Variants in PLS3 observed in about 807,000 individuals in gnomAD.
The protein encoded by PLS3 is plastin 3.
PLS3 carries 11 observed loss-of-function variants against 46.5 expected under a neutral mutation model. The ratio of observed to expected loss-of-function variants is 0.24; its 90% confidence interval spans 0.15 to 0.39. The LOEUF is 0.39. Ranked by LOEUF, PLS3 falls within the 10% of genes least tolerant of loss-of-function variation. The probability of loss-of-function intolerance (pLI) is 1.00; values close to 1 mark genes in which losing one functional copy is unlikely to be tolerated. For synonymous variants in PLS3, 167 were observed against 162.2 expected (o/e 1.03, Z -0.22); for missense variants, 308 against 461.8 (o/e 0.67, Z 3.05).
Position 115,636,825 on chromosome X carries a change from T to C in PLS3, c.749-11T>C, listed in dbSNP as rs782286629. 9 of 1,179,701 alleles carry C rather than the reference T, an allele frequency of 7.6e-6. No individual in the cohort carries two copies. Among genetic ancestry groups the C allele is most frequent in the Middle Eastern group, 2.4e-4 (1 of 4,197 alleles). ...TATAATAACTGTGGGATTTTTTTTT[T>C]TTTCTTCTAGCCTTGGCTGCTTTAC... On this transcript the variant is annotated splice_polypyrimidine_tract_variant and intron_variant, in intron 7 of 15. Transcript: ENST00000355899.
chrX:115,639,634 G>A (rs2074874233), intron 8 of PLS3: 2 of 302,161 alleles, frequency 6.6e-6, no homozygotes, highest in Non-Finnish European at 1.3e-5. Context: ...CTCAAATTCC[G>A]GTCCTCTAGC....
chrX:115,604,486 A>C (rs1359413024), intron 1 of PLS3, among the ~76,000 whole-genome samples: 1 of 112,093 alleles, frequency 8.9e-6, no homozygotes, highest in Non-Finnish European at 1.9e-5. Context: ...ACTTAGGCTG[A>C]GACAGATTAA....
At chrX:115,593,567 G>A (rs1486465609) in intron 1 of PLS3, 5 of 110,677 alleles carry the variant, frequency 4.5e-5, no homozygotes, top group African/African-American at 1.3e-4. Flanking sequence ...TGCTCTTCTG[G>A]GCGTGGGAGA....
intron 3 of PLS3, among the ~76,000 whole-genome samples, chrX:115,628,882 C>T (rs1316311513): frequency 9.0e-6 from 1 of 111,721 alleles, no homozygotes; most frequent in Non-Finnish European, 1.9e-5. Flanking sequence ...AAGAATAAAG[C>T]CTTCCTTGTT....
intron 1 of PLS3, among the ~76,000 whole-genome samples, chrX:115,605,325 T>C (rs922550425): frequency 8.9e-6 from 1 of 112,523 alleles, no homozygotes; most frequent in Non-Finnish European, 1.9e-5. Context: ...TTAGGCTTTT[T>C]AAAAGGCAAT....
intron 1 of PLS3, among the ~76,000 whole-genome samples, chrX:115,567,012 T>C (rs2074179562): frequency 8.9e-6 from 1 of 112,346 alleles, no homozygotes; most frequent in Non-Finnish European, 1.9e-5. Flanking sequence ...ACCTCAAATA[T>C]TGTGCAAGGT....
chrX:115,610,396 T>C, intron 2 of PLS3, 73 bp downstream of exon 2: 1 of 514,163 alleles, frequency 1.9e-6, no homozygotes, highest in Admixed American at 3.3e-5. Flanking sequence ...TCTATAAATA[T>C]CACATGAATG....
chrX:115,570,111 A>G (rs2074203580), intron 1 of PLS3, among the ~76,000 whole-genome samples: 1 of 109,942 alleles, frequency 9.1e-6, no homozygotes, highest in Admixed American at 9.7e-5. Context: ...TAATTTTTGT[A>G]TTTTTAGTAG....
intron 5 of PLS3, among the ~76,000 whole-genome samples, chrX:115,630,502 C>A (rs2074753240): frequency 9.2e-6 from 1 of 108,596 alleles, no homozygotes. Context: ...TCAGTCCTGC[C>A]ACTCTGAAGC....
chrX:115,583,135 G>T (rs1229275816), intron 1 of PLS3, among the ~76,000 whole-genome samples: 2 of 112,491 alleles, frequency 1.8e-5, no homozygotes, highest in Non-Finnish European at 3.8e-5. Context: ...GAAACAGAAA[G>T]CATAGTGGAA....
chrX:115,606,864 C>G (rs2074498545), intron 1 of PLS3, among the ~76,000 whole-genome samples: 1 of 111,202 alleles, frequency 9.0e-6, no homozygotes, highest in Admixed American at 9.6e-5. Flanking sequence ...GGCGAGGTCT[C>G]ACTATGTTTC....
intron 5 of PLS3, among the ~76,000 whole-genome samples, chrX:115,633,568 C>G (rs7057786): frequency 0.021 from 2,316 of 110,704 alleles, 64 homozygotes; most frequent in African/African-American, 0.072. Flanking sequence ...GTAGCTCACT[C>G]TAACTTTGAA....
At chrX:115,595,687 C>CT (rs35860715) in intron 1 of PLS3, among the ~76,000 whole-genome samples, 1,076 of 82,871 alleles carry the variant, frequency 0.013, 24 homozygotes, top group African/African-American at 0.024. Context: ...TATTTTCTTT[C>CT]TTTTTTTTTT....
chrX:115,641,226 T>G (rs1451390254), intron 9 of PLS3, among the ~76,000 whole-genome samples: 2 of 57,289 alleles, frequency 3.5e-5, no homozygotes, highest in Non-Finnish European at 5.6e-5. Context: ...CTTCTCTTTC[T>G]TTTTTTTTTT....
chrX:115,631,082 G>GT (rs1202007567), intron 5 of PLS3, among the ~76,000 whole-genome samples: 1 of 101,936 alleles, frequency 9.8e-6, no homozygotes, highest in Non-Finnish European at 2.0e-5. Context: ...GTGAGATGGA[G>GT]TTTCGCTCTT....
Position 115,636,598 on chromosome X carries a change from C to T in PLS3, c.749-238C>T, listed in dbSNP as rs182390826. ...TTGCATTAAGCTTAAAGGCCATAACCTCATTTGGTATTTGAAATGTGAAGA... is the reference window on the plus strand; with the variant it reads ...TTGCATTAAGCTTAAAGGCCATAACTTCATTTGGTATTTGAAATGTGAAGA... On this transcript the variant is annotated intron_variant, in intron 7 of 15. Coordinates refer to ENST00000355899, the MANE Select transcript of PLS3 (RefSeq NM_005032.7). Among the ~76,000 whole-genome samples, 3 of 111,606 alleles carry T rather than the reference C, an allele frequency of 2.7e-5. No homozygotes were observed. In the Admixed American group the frequency reaches 2.9e-4, roughly 11 times the overall value.
chrX:115,640,213 G>A (rs2074880859), intron 8 of PLS3, 195 bp from the exon 9 acceptor site: 1 of 776,849 alleles, frequency 1.3e-6, no homozygotes, highest in Non-Finnish European at 1.9e-6. Flanking sequence ...TCAAAATCCA[G>A]TTCATCCATA....
intron 1 of PLS3, among the ~76,000 whole-genome samples, chrX:115,594,668 T>TCTCACA (rs1556633590): frequency 2.0e-5 from 2 of 98,006 alleles, no homozygotes; most frequent in African/African-American, 8.1e-5. Flanking sequence ...TCTCTCTCTC[T>TCTCACA]CACACACACA....
At position 115,622,110 on chromosome X, in the gene PLS3, C is replaced by T. The variant is rs2074661364; in HGVS notation, c.74-136C>T. 10 of 495,112 alleles carry T rather than the reference C, an allele frequency of 2.0e-5. No individual in the cohort carries two copies. In the South Asian group the frequency reaches 3.4e-4, roughly 17 times the overall value. The allele number at this position is 495,112 out of a possible 1,213,427, so 40.8% of individuals were successfully genotyped here. On this transcript the variant is annotated intron_variant, in intron 2 of 15. Coordinates refer to ENST00000355899, the MANE Select transcript of PLS3 (RefSeq NM_005032.7). ...TTTAAATGTCCATTTCCCTTTCAAACAACTTTATGTTCCCCACAATAAGAA... is the reference window on the plus strand; with the variant it reads ...TTTAAATGTCCATTTCCCTTTCAAATAACTTTATGTTCCCCACAATAAGAA...
Sources: allele counts gnomAD v4.1 joint callset (sites outside exome capture counted in the v4.1 genomes callset), GRCh38; gene constraint gnomAD v4.1.1; transcripts MANE v1.5; gene names NCBI Gene and HGNC (gene_info 2026-07-23, HGNC 2026-07-21).